SCAI: variants seen among roughly 807,000 people sequenced by gnomAD.
SCAI encodes the protein suppressor of cancer cell invasion, also known as protein SCAI.
Under a neutral mutation model 92.2 loss-of-function variants are expected in SCAI, and 24 were observed. The ratio of observed to expected loss-of-function variants is 0.26; its 90% CI spans 0.19 to 0.37. The LOEUF (loss-of-function observed/expected upper bound fraction) is 0.37. Among genes scored for constraint, SCAI ranks in the 10% least tolerant of loss-of-function variants. The pLI, the probability that SCAI is intolerant of heterozygous loss-of-function variation, is 1.00. For missense variants in SCAI, 450 were observed against 736.2 expected, an observed-to-expected ratio of 0.61 and a Z score of 4.50; for synonymous variants, 261 against 258.6, an observed-to-expected ratio of 1.01 and a Z score of -0.09.
chr9:125,042,991 G>C (rs1039209566), intron 3 of SCAI, among the ~76,000 whole-genome samples: 27 of 149,098 alleles, frequency 1.8e-4, no homozygotes, highest in Middle Eastern at 3.6e-3. Flanking sequence ...TCAGCTTCCT[G>C]AGTAGCTGGG....
chr9:125,064,229 G>C (rs1020056149), intron 2 of SCAI, among the ~76,000 whole-genome samples: 2 of 151,974 alleles, frequency 1.3e-5, no homozygotes, highest in African/African-American at 4.8e-5. Context: ...AACGATAGTA[G>C]GATTTTTAAA....
chr9:124,967,353 CCTCATTTAACAGATGGGA>C (rs1375197556), intron 17 of SCAI, among the ~76,000 whole-genome samples: 2 of 152,176 alleles, frequency 1.3e-5, no homozygotes, highest in African/African-American at 4.8e-5. Context: ...TATTCTATCC[CCTCATTTAACAGATGGGA>C]AAGCAGAGGC....
In SCAI at chr9:124,945,398, A is replaced by T. The variant is rs899872268; in HGVS notation, c.*7409T>A. On this transcript the variant is annotated 3_prime_UTR_variant, in exon 18 of 18. Transcript: ENST00000336505. ...TGGTGAAACCCCATCTCTACTAAAA[A>T]TACAAAATTAGCTGGTCGTGGTGGC... 2 of 152,120 alleles carry T rather than the reference A, an allele frequency of 1.3e-5. No homozygotes were observed. The highest frequency in any genetic ancestry group is 4.8e-5 in the African/African-American group (2 of 41,402). 9.4% of individuals were successfully genotyped at this position (152,120 alleles called of 1,614,324 possible).
At chr9:124,961,750 G>A (rs1831440347) in intron 17 of SCAI, among the ~76,000 whole-genome samples, 1 of 151,820 alleles carries the variant, frequency 6.6e-6, no homozygotes, top group South Asian at 2.1e-4. Context: ...ACAATGCAGG[G>A]GTTAGGGATG....
At chr9:125,115,154 C>T (rs971299806) in intron 2 of SCAI, among the ~76,000 whole-genome samples, 2 of 151,776 alleles carry the variant, frequency 1.3e-5, no homozygotes, top group East Asian at 1.9e-4. Flanking sequence ...GGGCGGATCA[C>T]GAGGTCAGGA....
At chr9:125,117,130 C>T (rs1835060912) in intron 2 of SCAI, among the ~76,000 whole-genome samples, 1 of 152,178 alleles carries the variant, frequency 6.6e-6, no homozygotes, top group African/African-American at 2.4e-5. Flanking sequence ...CCATCATCTC[C>T]TCTGAAGTAT....
chr9:124,990,610 T>C (rs1162099025), intron 14 of SCAI, among the ~76,000 whole-genome samples: 1 of 152,082 alleles, frequency 6.6e-6, no homozygotes, highest in Non-Finnish European at 1.5e-5. Flanking sequence ...TTCTCTTTCA[T>C]AGTGGGAAAT....
intron 2 of SCAI, 90 bp from the exon 3 acceptor site, chr9:125,056,097 C>A: frequency 1.1e-6 from 1 of 903,126 alleles, no homozygotes; most frequent in Non-Finnish European, 1.7e-6. Context: ...ATTTTTTATC[C>A]AAGACAGATA....
intron 9 of SCAI, 134 bp downstream of exon 9, chr9:125,018,665 G>T: frequency 1.4e-6 from 1 of 699,552 alleles, no homozygotes; most frequent in Non-Finnish European, 2.3e-6. Context: ...TTCCATATAT[G>T]CACACAGCAT....
intron 17 of SCAI, among the ~76,000 whole-genome samples, chr9:124,961,270 T>C (rs1181717792): frequency 7.1e-6 from 1 of 139,878 alleles, no homozygotes; most frequent in Non-Finnish European, 1.6e-5. Flanking sequence ...CTCATCTCAT[T>C]AAAAAAAAAA....
chr9:124,961,284 G>T (rs1336974053), intron 17 of SCAI, among the ~76,000 whole-genome samples: 1 of 150,108 alleles, frequency 6.7e-6, no homozygotes, highest in East Asian at 1.9e-4. Flanking sequence ...AAAAAAAAAA[G>T]TAAACATATT....
In SCAI at chr9:124,970,933, G is replaced by A. The variant is rs1831645915; in HGVS notation, c.1674+437C>T. Among the ~76,000 whole-genome samples, 3 of 151,988 alleles carry A rather than the reference G, an allele frequency of 2.0e-5. No individual in the cohort carries two copies. The South Asian group carries it at 6.2e-4, about 32-fold the overall frequency. On this transcript the variant is annotated intron_variant, in intron 17 of 17. Coordinates refer to ENST00000336505, the MANE Select transcript of SCAI (RefSeq NM_001144877.3). ...GGGTTCAAGCAATTCTCCTGCCTCA[G>A]CCTCCAGAGTAGCTGGGATTACAGG...
chr9:125,023,737 T>G (rs535769189), intron 6 of SCAI, among the ~76,000 whole-genome samples: 16 of 152,092 alleles, frequency 1.1e-4, no homozygotes, highest in African/African-American at 3.9e-4. Flanking sequence ...CAATCTGGCA[T>G]GCAAACAGGC....
chr9:125,012,781 A>C (rs1453365359), intron 9 of SCAI, among the ~76,000 whole-genome samples: 9 of 152,216 alleles, frequency 5.9e-5, no homozygotes, highest in Non-Finnish European at 8.8e-5. Context: ...AGTTGGAAGT[A>C]AAGCTCTCCT....
chr9:125,060,262 G>GAAA (rs34193153), intron 2 of SCAI, among the ~76,000 whole-genome samples: 1 of 89,534 alleles, frequency 1.1e-5, no homozygotes. Context: ...GGCTTAGTAT[G>GAAA]AAAAAAAAAA....
rs1431614250 is a variant in SCAI at position 124,946,518 on chromosome 9, C to G, written c.*6289G>C. 2 of 152,150 alleles carry G rather than the reference C, an allele frequency of 1.3e-5. No homozygotes were observed. The highest frequency in any genetic ancestry group is 2.4e-5 in the African/African-American group (1 of 41,432). 9.4% of individuals were successfully genotyped at this position (152,150 alleles called of 1,614,324 possible). On this transcript the variant is annotated 3_prime_UTR_variant, in exon 18 of 18. Transcript: ENST00000336505. This position sits in a 1 kb window ranked among gnomAD's most constrained non-coding sequence, Gnocchi z 4.0. ...GTTATATTTTATCATGCAAAAATAA[C>G]CTCTACTTAATTTCTGCAGTGAATG...
chr9:125,100,088 G>A (rs565324419), intron 2 of SCAI, among the ~76,000 whole-genome samples: 7 of 152,204 alleles, frequency 4.6e-5, no homozygotes, highest in Non-Finnish European at 1.0e-4. Flanking sequence ...ATAACTCTAT[G>A]TTTAATTTTT....
At chr9:125,048,235 C>T (rs1833486688) in intron 3 of SCAI, among the ~76,000 whole-genome samples, 1 of 152,138 alleles carries the variant, frequency 6.6e-6, no homozygotes, top group South Asian at 2.1e-4. Flanking sequence ...ACCTCAGCCT[C>T]CCAAAGTGCT....
At chr9:125,126,827 A>T (rs1308793979) in intron 2 of SCAI, among the ~76,000 whole-genome samples, 1 of 152,230 alleles carries the variant, frequency 6.6e-6, no homozygotes, top group East Asian at 1.9e-4. Context: ...TGAAAATATA[A>T]GTAGCCAGAT....
Sources: gnomAD v4.1 joint callset for allele counts (sites outside exome capture counted in the v4.1 genomes callset) on GRCh38, gnomAD v4.1.1 for gene constraint, Gnocchi (gnomAD v3.1) non-coding constraint, MANE v1.5 for transcripts, NCBI Gene and HGNC (gene_info 2026-07-23, HGNC 2026-07-21) for gene names.